Variants in MTUS2 observed in about 807,000 individuals in gnomAD.
The protein encoded by MTUS2 is microtubule associated scaffold protein 2.
Under a neutral mutation model 114.1 loss-of-function variants are expected in MTUS2, and 40 were observed. The observed-to-expected ratio is 0.35, with a 90% CI of 0.27 to 0.46. The LOEUF is 0.46. Among genes scored for constraint, MTUS2 ranks in the 20% least tolerant of loss-of-function variants. The pLI is 1.00. For synonymous variants in MTUS2, 688 were observed against 672.0 expected, an observed-to-expected ratio of 1.02 and a Z score of -0.37; for missense variants, 1,679 against 1,705.4, an observed-to-expected ratio of 0.98 and a Z score of 0.27.
chr13:28,978,257 C>A (rs532990327), intron 2 of MTUS2, among the ~76,000 whole-genome samples: 1 of 152,262 alleles, frequency 6.6e-6, no homozygotes, highest in East Asian at 1.9e-4. Flanking sequence ...GATTTAAGAT[C>A]TTCTTACATC....
chr13:28,997,911 G>A (rs1279358059), intron 2 of MTUS2, among the ~76,000 whole-genome samples: 2 of 152,198 alleles, frequency 1.3e-5, no homozygotes, highest in African/African-American at 4.8e-5. Flanking sequence ...GTATTGTTAT[G>A]TGAGAATTTG....
intron 2 of MTUS2, among the ~76,000 whole-genome samples, chr13:28,951,167 A>G (rs914212195): frequency 2.0e-5 from 3 of 152,224 alleles, no homozygotes; most frequent in African/African-American, 7.2e-5. Flanking sequence ...ATTTCAAAAT[A>G]AGAAAATTCC....
At chr13:29,266,624 C>G (rs1566099799) in intron 5 of MTUS2, among the ~76,000 whole-genome samples, 1 of 152,134 alleles carries the variant, frequency 6.6e-6, no homozygotes, top group Non-Finnish European at 1.5e-5. Context: ...TATTATAGAT[C>G]ATCCCTAACT....
At chr13:29,149,497 T>C (rs1450125453) in intron 5 of MTUS2, among the ~76,000 whole-genome samples, 1 of 152,220 alleles carries the variant, frequency 6.6e-6, no homozygotes, top group African/African-American at 2.4e-5. Flanking sequence ...TGATGATCTT[T>C]TGCTGTGCAG....
At chr13:29,413,394 G>C (rs1358884107) in intron 8 of MTUS2, among the ~76,000 whole-genome samples, 1 of 150,198 alleles carries the variant, frequency 6.7e-6, no homozygotes, top group Non-Finnish European at 1.5e-5. Context: ...ATAGGCGTGG[G>C]CAAGGACTTC....
chr13:29,305,622 T>A (rs1899413666), intron 6 of MTUS2, among the ~76,000 whole-genome samples: 1 of 152,092 alleles, frequency 6.6e-6, no homozygotes. Flanking sequence ...CAATAACAAG[T>A]TCTGAAACTG....
chr13:28,822,048 G>A (rs930097376), intron 1 of MTUS2, among the ~76,000 whole-genome samples: 13 of 152,094 alleles, frequency 8.5e-5, no homozygotes, highest in Non-Finnish European at 1.8e-4. Context: ...ATGTTTACAC[G>A]GTAAAGTAAG....
In MTUS2 at chr13:29,378,147, T is replaced by C. The variant is rs111676615; in HGVS notation, c.3117+18674T>C. ...GTGTGTGCAAAGGGAGGTTTTAGAA[T>C]AGTGAAGCTGTTTTGTATTCTGATT... is the stretch of plus-strand genomic sequence containing the variant. On this transcript the variant is annotated intron_variant, in intron 8 of 15. Transcript: ENST00000612955. Among the ~76,000 whole-genome samples, 865 of 152,292 alleles carry C rather than the reference T, an allele frequency of 5.7e-3. 7 individuals are homozygous for C. Among genetic ancestry groups the C allele is most frequent in the African/African-American group, 0.02 (820 of 41,574 alleles).
At chr13:29,468,557 G>A (rs896044414) in intron 9 of MTUS2, among the ~76,000 whole-genome samples, 4 of 151,478 alleles carry the variant, frequency 2.6e-5, no homozygotes, top group African/African-American at 4.9e-5. Context: ...CTCCAGCCCC[G>A]GTGACAGGGT....
intron 5 of MTUS2, among the ~76,000 whole-genome samples, chr13:29,232,643 A>G (rs1243875346): frequency 1.3e-5 from 2 of 152,204 alleles, no homozygotes; most frequent in Middle Eastern, 3.2e-3. Context: ...TACCTGAATT[A>G]ACTGGGTAGT....
intron 4 of MTUS2, among the ~76,000 whole-genome samples, chr13:29,056,349 T>C (rs1377511349): frequency 6.6e-6 from 1 of 152,006 alleles, no homozygotes; most frequent in African/African-American, 2.4e-5. Context: ...CTCTTTCCCC[T>C]GTTGCTTGTT....
chr13:29,343,031 C>T (rs1461627662), intron 7 of MTUS2, among the ~76,000 whole-genome samples: 1 of 151,956 alleles, frequency 6.6e-6, no homozygotes, highest in Non-Finnish European at 1.5e-5. Context: ...GGTGGATTAC[C>T]TTTTTTATAT....
At chr13:29,394,994 A>G (rs915222100) in intron 8 of MTUS2, among the ~76,000 whole-genome samples, 1 of 152,190 alleles carries the variant, frequency 6.6e-6, no homozygotes, top group South Asian at 2.1e-4. Flanking sequence ...GTTGGGGGCC[A>G]CTGCTCTACA....
chr13:28,881,136 A>C lies in MTUS2; in HGVS notation c.-243+41286A>C, dbSNP rs1878263021. On this transcript the variant is annotated intron_variant, in intron 2 of 15. Coordinates refer to ENST00000612955, the MANE Select transcript of MTUS2 (RefSeq NM_001033602.4). ...TTTAAGCCCTCACTGCCCCTGCCTC[A>C]ACTTGGAGACCCCCAGTGTCTATCG... 3.3e-5 allele frequency among the ~76,000 whole-genome samples: 5 copies of C among 152,270 alleles called. No individual in the cohort carries two copies. In the South Asian group the frequency reaches 1.0e-3, roughly 32 times the overall value.
intron 9 of MTUS2, among the ~76,000 whole-genome samples, chr13:29,440,543 G>A (rs1012528727): frequency 2.6e-5 from 4 of 152,078 alleles, no homozygotes; most frequent in Admixed American, 1.3e-4. Context: ...TCTGGACCAC[G>A]GAGACCTTAC....
Position 29,087,551 on chromosome 13 carries a change from C to T in MTUS2, c.2447-13222C>T, listed in dbSNP as rs758363379. On this transcript the variant is annotated intron_variant, in intron 4 of 15. Coordinates refer to ENST00000612955, the MANE Select transcript of MTUS2 (RefSeq NM_001033602.4). ...CATCTATGTTCATCAGGGATATTGG[C>T]CTGAAGTTTTCTTTTTTCATGTGTC... Among the ~76,000 whole-genome samples, 9 of 151,950 alleles carry T rather than the reference C, an allele frequency of 5.9e-5. 1 individual carries two copies.
intron 1 of MTUS2, among the ~76,000 whole-genome samples, chr13:28,827,017 G>A (rs188189644): frequency 2.1e-4 from 32 of 152,276 alleles, no homozygotes; most frequent in Admixed American, 1.0e-3. Context: ...TCTCAAGACA[G>A]GCAGTATTTT....
intron 2 of MTUS2, among the ~76,000 whole-genome samples, chr13:28,858,937 G>C (rs1456777633): frequency 6.6e-6 from 1 of 152,174 alleles, no homozygotes; most frequent in Non-Finnish European, 1.5e-5. Flanking sequence ...GAACTGAGCT[G>C]CCACTCAGGT....
chr13:29,336,255 A>G (rs140492076), intron 7 of MTUS2, among the ~76,000 whole-genome samples: 3 of 152,044 alleles, frequency 2.0e-5, no homozygotes, highest in Admixed American at 2.0e-4. Context: ...TTTTTGTGCT[A>G]GTTTTTCCTC....
Sources: gnomAD v4.1 joint callset for allele counts (sites outside exome capture counted in the v4.1 genomes callset) on GRCh38, gnomAD v4.1.1 for gene constraint, MANE v1.5 for transcripts, NCBI Gene and HGNC (gene_info 2026-07-23, HGNC 2026-07-21) for gene names.